The following R3HDM4 variants were observed in gnomAD, a reference collection of about 807,000 sequenced individuals.
R3HDM4 encodes the protein R3H domain containing 4.
Under a neutral mutation model 31.3 loss-of-function variants are expected in R3HDM4, and 30 were observed. That is an observed-to-expected ratio of 0.96 (90% confidence interval 0.72 to 1.30). R3HDM4 has a LOEUF of 1.30. Ranked by LOEUF, R3HDM4 falls within the 50% of genes most tolerant of loss-of-function variation. R3HDM4 has a pLI of 0.00. For synonymous variants in R3HDM4, 196 were observed against 156.6 expected (o/e 1.25, Z -1.88); for missense variants, 444 against 366.1 (o/e 1.21, Z -1.74).
chr19:902,167 G>T lies in R3HDM4; in HGVS notation c.72-37C>A, dbSNP rs757248675. On this transcript the variant is annotated intron_variant, in intron 1 of 7. Transcript: ENST00000361574. ...GGCAGGGGTGGTCCTCAGGGTCAAG[G>T]CCGGCCAGGATCTCCGAGAAGGGCC... is the stretch of plus-strand genomic sequence containing the variant. 6 of 1,606,572 alleles carry T rather than the reference G, an allele frequency of 3.7e-6. No individual in the cohort carries two copies. The South Asian group carries it at 5.5e-5, about 15-fold the overall frequency.
chr19:900,824 C>T lies in R3HDM4; in HGVS notation c.475+5G>A, dbSNP rs1311414436. 2.6e-6 allele frequency: 4 copies of T among 1,536,668 alleles called. No individual in the cohort carries two copies. Among genetic ancestry groups the T allele is most frequent in the South Asian group, 2.4e-5 (2 of 83,182 alleles). ...CACCCATACCCGCCCCAGCCAGGCC[C>T]GCACCTCTCCTCCGGTCCTCCCCAC... On this transcript the variant is annotated splice_donor_5th_base_variant and intron_variant, in intron 4 of 7. Transcript: ENST00000361574.
In R3HDM4 at chr19:899,711, G is replaced by A; in HGVS notation, c.562-25C>T. ...CCTGGGGAGAGCGGCCCGGTGGTCA[G>A]GGAACTGCGGGACCTGTGGGTGGGG... On this transcript the variant is annotated intron_variant, in intron 5 of 7. Coordinates refer to ENST00000361574, the MANE Select transcript of R3HDM4 (RefSeq NM_138774.4). This position sits in a 1 kb window ranked among gnomAD's most constrained non-coding sequence, Gnocchi z 6.8. The A allele has an allele frequency of 6.6e-7, 1 of 1,523,880 alleles. No individual in the cohort carries two copies. 94.4% of individuals were successfully genotyped at this position (1,523,880 alleles called of 1,614,324 possible).
At chr19:906,493 C>T (rs971001851) in intron 1 of R3HDM4, among the ~76,000 whole-genome samples, 49 of 152,236 alleles carry the variant, frequency 3.2e-4, no homozygotes, top group African/African-American at 1.1e-3. Flanking sequence ...GCTGGGATTA[C>T]GGGCATGAGC....
intron 2 of R3HDM4, 99 bp from the exon 3 acceptor site, chr19:901,645 C>G (rs1205668762): frequency 1.4e-6 from 2 of 1,438,430 alleles, no homozygotes; most frequent in Non-Finnish European, 1.9e-6. Flanking sequence ...TTTATCATCT[C>G]AACCTCCGCA....
rs2036752031 is a variant in R3HDM4 at position 897,353 on chromosome 19, A to C, written c.*84T>G. 1.2e-5 allele frequency: 13 copies of C among 1,075,066 alleles called. No individual in the cohort carries two copies. The highest frequency in any genetic ancestry group is 1.7e-5 in the Non-Finnish European group (13 of 756,788). 66.6% of individuals were successfully genotyped at this position (1,075,066 alleles called of 1,614,324 possible). ...AAAAGGTTTCCGAGGACAAATTCTA[A>C]AAATATGAAAGATATTTTAGCCGAA... On this transcript the variant is annotated 3_prime_UTR_variant, in exon 8 of 8. Coordinates refer to ENST00000361574, the MANE Select transcript of R3HDM4 (RefSeq NM_138774.4).
At position 907,465 on chromosome 19, in the gene R3HDM4, T is replaced by A. The variant is rs1053087214; in HGVS notation, c.72-5335A>T. ...GGAAGTCAGAGGGGGCGGGGCTCGG[T>A]GACACAGCTCAAGCCCTCCCAGCAA... is the stretch of plus-strand genomic sequence containing the variant. On this transcript the variant is annotated intron_variant, in intron 1 of 7. Coordinates refer to ENST00000361574, the MANE Select transcript of R3HDM4 (RefSeq NM_138774.4). This position sits in a 1 kb window ranked among gnomAD's most constrained non-coding sequence, Gnocchi z 4.1. 2.0e-5 allele frequency among the ~76,000 whole-genome samples: 3 copies of A among 151,978 alleles called. No individual in the cohort carries two copies. Among genetic ancestry groups the A allele is most frequent in the Non-Finnish European group, 4.4e-5 (3 of 67,948 alleles).
intron 4 of R3HDM4, 114 bp from the exon 5 acceptor site, chr19:900,260 T>G: frequency 1.3e-6 from 1 of 756,120 alleles, no homozygotes; most frequent in East Asian, 2.9e-5. Flanking sequence ...TGGCCTCTCC[T>G]GCCCACCAAA....
intron 1 of R3HDM4, among the ~76,000 whole-genome samples, chr19:912,669 G>A (rs1232428132): frequency 2.5e-5 from 3 of 119,236 alleles, no homozygotes; most frequent in Non-Finnish European, 3.6e-5. Flanking sequence ...GTTGGGGGGC[G>A]GACCCGGAGA....
At chr19:904,511 A>G (rs1411841305) in intron 1 of R3HDM4, among the ~76,000 whole-genome samples, 1 of 152,178 alleles carries the variant, frequency 6.6e-6, no homozygotes, top group Non-Finnish European at 1.5e-5. Flanking sequence ...GGAAAACGCT[A>G]GGAAACTCTA....
chr19:908,390 T>C (rs2036932031), intron 1 of R3HDM4, among the ~76,000 whole-genome samples: 1 of 151,870 alleles, frequency 6.6e-6, no homozygotes, highest in Non-Finnish European at 1.5e-5. Flanking sequence ...GTGGATCACT[T>C]GAGGCCAAGA....
chr19:901,077 T>G (rs2036830194), intron 3 of R3HDM4, 125 bp from the exon 4 acceptor site: 14 of 1,222,132 alleles, frequency 1.1e-5, no homozygotes, highest in Non-Finnish European at 1.5e-5. Flanking sequence ...CTCTGTCCAC[T>G]GAGGGGCCGC....
intron 4 of R3HDM4, 51 bp from the exon 5 acceptor site, chr19:900,197 T>TGCCCACCTGCCAGACCAC: frequency 7.0e-7 from 1 of 1,437,610 alleles, no homozygotes; most frequent in Admixed American, 2.3e-5. Context: ...GTCCTGGCCC[T>TGCCCACCTGCCAGACCAC]GCCCACCTGC....
chr19:897,919 G>C (rs962585972), intron 7 of R3HDM4, among the ~76,000 whole-genome samples: 3 of 152,026 alleles, frequency 2.0e-5, no homozygotes, highest in African/African-American at 7.2e-5. Flanking sequence ...CCCAGGTCCT[G>C]AGTGGTCCAG....
chr19:902,914 CCT>C (rs1257478848), intron 1 of R3HDM4, among the ~76,000 whole-genome samples: 2 of 152,174 alleles, frequency 1.3e-5, no homozygotes, highest in African/African-American at 4.8e-5. Context: ...CGCACTCCAG[CCT>C]GGGCGACGGA....
chr19:898,529 G>A (rs1220043990), intron 7 of R3HDM4, among the ~76,000 whole-genome samples: 1 of 152,090 alleles, frequency 6.6e-6, no homozygotes, highest in East Asian at 1.9e-4. Context: ...GAACCCGGAG[G>A]TGGAGGTTGC....
intron 1 of R3HDM4, among the ~76,000 whole-genome samples, chr19:912,632 C>G (rs1199019233): frequency 4.9e-5 from 4 of 82,282 alleles, no homozygotes; most frequent in African/African-American, 5.2e-5. Flanking sequence ...GGGGCGCGGA[C>G]CGGAGAGTGG....
intron 1 of R3HDM4, chr19:902,406 T>C (rs373377165): frequency 8.3e-5 from 36 of 432,526 alleles, no homozygotes; most frequent in African/African-American, 6.3e-4. Context: ...GCTCAGGGGT[T>C]CAAGACCAGC....
chr19:900,800 A>AAACCCCCCCCCCCCCGCCCCC, intron 4 of R3HDM4, 29 bp downstream of exon 4: 1 of 324,806 alleles, frequency 3.1e-6, no homozygotes, highest in Non-Finnish European at 5.1e-6. Context: ...CCCTGGCCCC[A>AAACCCCCCCCCCCCCGCCCCC]CCCATACCCG....
rs533103484 is a variant in R3HDM4, at chr19:907,368, C to T, written c.72-5238G>A. ...TCACCCACAGCCCCCCCTGAGGCCC[C>T]GGGGCCTACTTCTCCACCCCAGCAG... On this transcript the variant is annotated intron_variant, in intron 1 of 7. Coordinates refer to ENST00000361574, the MANE Select transcript of R3HDM4 (RefSeq NM_138774.4). This position sits in a 1 kb window ranked among gnomAD's most constrained non-coding sequence, Gnocchi z 4.1. Among the ~76,000 whole-genome samples, 14 of 152,176 alleles carry T rather than the reference C, an allele frequency of 9.2e-5. No individual in the cohort carries two copies. The East Asian group carries it at 2.1e-3, about 23-fold the overall frequency.
Sources: gnomAD v4.1 joint callset for allele counts (sites outside exome capture counted in the v4.1 genomes callset) on GRCh38, gnomAD v4.1.1 for gene constraint, Gnocchi (gnomAD v3.1) non-coding constraint, MANE v1.5 for transcripts, NCBI Gene and HGNC (gene_info 2026-07-23, HGNC 2026-07-21) for gene names.